RNF121: variants seen among roughly 807,000 people sequenced by gnomAD.
The protein encoded by RNF121 is ring finger protein 121.
A neutral mutation model predicts 46.5 loss-of-function variants in RNF121; 21 were observed. The ratio of observed to expected loss-of-function variants is 0.45; its 90% CI spans 0.32 to 0.65. RNF121 has a LOEUF of 0.65. Ranked by LOEUF, RNF121 falls within the 30% of genes least tolerant of loss-of-function variation. The pLI is 0.04. For missense variants in RNF121, 346 were observed against 416.0 expected (o/e 0.83, Z 1.46); for synonymous variants, 139 against 144.7 (o/e 0.96, Z 0.28).
chr11:71,960,110 A>G (rs1954094809), intron 2 of RNF121, among the ~76,000 whole-genome samples: 1 of 152,186 alleles, frequency 6.6e-6, no homozygotes, highest in South Asian at 2.1e-4. Context: ...TGTACTCTCT[A>G]GTTACTAAAC....
chr11:71,942,783 T>TAC (rs200563413), intron 1 of RNF121, among the ~76,000 whole-genome samples: 3 of 17,220 alleles, frequency 1.7e-4, no homozygotes, highest in Non-Finnish European at 4.8e-4. Flanking sequence ...TATATATATA[T>TAC]ATATATAGAT....
intron 3 of RNF121, among the ~76,000 whole-genome samples, chr11:71,976,874 G>C (rs1954536700): frequency 6.6e-6 from 1 of 152,164 alleles, no homozygotes; most frequent in East Asian, 1.9e-4. Context: ...CTCATGGAAT[G>C]TTAGGGCTAA....
At chr11:71,940,455 AG>A (rs1410913389) in intron 1 of RNF121, among the ~76,000 whole-genome samples, 1 of 152,210 alleles carries the variant, frequency 6.6e-6, no homozygotes, top group East Asian at 1.9e-4. Flanking sequence ...GAATTTCATT[AG>A]AGCATTAGGA....
intron 1 of RNF121, among the ~76,000 whole-genome samples, chr11:71,943,968 G>A (rs1363197692): frequency 6.6e-6 from 1 of 152,178 alleles, no homozygotes; most frequent in East Asian, 1.9e-4. Flanking sequence ...TGACACATAA[G>A]GCCTTATATG....
intron 1 of RNF121, among the ~76,000 whole-genome samples, chr11:71,955,222 TG>T (rs975318914): frequency 5.3e-5 from 8 of 152,326 alleles, no homozygotes; most frequent in African/African-American, 1.9e-4. Context: ...TGCCCTATCC[TG>T]GTGCTAGAGA....
intron 1 of RNF121, among the ~76,000 whole-genome samples, chr11:71,938,120 G>A (rs1953464785): frequency 6.6e-6 from 1 of 152,044 alleles, no homozygotes; most frequent in Non-Finnish European, 1.5e-5. Context: ...ATAACTCAAT[G>A]TATTCTGTTA....
Position 71,996,747 on chromosome 11 carries a change from G to T in RNF121, c.*432G>T. ...TCTTCCCTGTGTGGGGCTCAAGCCT[G>T]GTGCACTTAGTATAGAAGAGCTAAC... On this transcript the variant is annotated 3_prime_UTR_variant, in exon 9 of 9. Transcript: ENST00000361756. 5.4e-6 allele frequency: 1 copy of T among 184,720 alleles called. No individual in the cohort carries two copies. Among genetic ancestry groups the T allele is most frequent in the South Asian group, 9.2e-5 (1 of 10,812 alleles). 11.4% of individuals were successfully genotyped at this position (184,720 alleles called of 1,614,324 possible).
At chr11:71,989,514 A>T (rs1170757719) in intron 5 of RNF121, among the ~76,000 whole-genome samples, 1 of 152,248 alleles carries the variant, frequency 6.6e-6, no homozygotes, top group Non-Finnish European at 1.5e-5. Flanking sequence ...GTGGTGTAAG[A>T]TCAATGATTT....
chr11:71,997,011 G>A lies in RNF121; in HGVS notation c.*696G>A, dbSNP rs777849190. 2.0e-5 allele frequency: 3 copies of A among 152,304 alleles called. No homozygotes were observed. Among genetic ancestry groups the A allele is most frequent in the Non-Finnish European group, 4.4e-5 (3 of 68,094 alleles). The allele number at this position is 152,304 out of a possible 1,614,324, so 9.4% of individuals were successfully genotyped here. The stretch of plus-strand genomic sequence containing the variant: ...GGAAGAATCAGCACCATGGATACTC[G>A]CCCGTGGGCAGGGCTGTGGTCAGCC... On this transcript the variant is annotated 3_prime_UTR_variant, in exon 9 of 9. Coordinates refer to ENST00000361756, the MANE Select transcript of RNF121 (RefSeq NM_018320.5).
At chr11:71,959,363 A>G (rs1007425284) in intron 2 of RNF121, among the ~76,000 whole-genome samples, 1 of 152,108 alleles carries the variant, frequency 6.6e-6, no homozygotes, top group East Asian at 1.9e-4. Context: ...TGGGTTCTAC[A>G]CTTTTTGTTA....
At chr11:71,941,883 T>C (rs1053515003) in intron 1 of RNF121, among the ~76,000 whole-genome samples, 1 of 152,100 alleles carries the variant, frequency 6.6e-6, no homozygotes, top group Non-Finnish European at 1.5e-5. Context: ...TATAAGGCCT[T>C]GTAGCTGCTG....
intron 1 of RNF121, among the ~76,000 whole-genome samples, chr11:71,939,770 T>C (rs1464860596): frequency 6.6e-6 from 1 of 152,252 alleles, no homozygotes; most frequent in Non-Finnish European, 1.5e-5. Flanking sequence ...TTCATTATTT[T>C]CAAAAGTCAC....
chr11:71,988,798 G>A (rs1012479082), intron 5 of RNF121, among the ~76,000 whole-genome samples: 6 of 152,050 alleles, frequency 3.9e-5, no homozygotes, highest in Admixed American at 6.6e-5. Flanking sequence ...CTCCAGCTCA[G>A]GTGACAAAGG....
chr11:71,955,683 G>C (rs749272222), intron 1 of RNF121, among the ~76,000 whole-genome samples: 6 of 152,210 alleles, frequency 3.9e-5, no homozygotes, highest in Non-Finnish European at 7.4e-5. Context: ...ACAATTAATA[G>C]ATAGGCTTGG....
intron 3 of RNF121, among the ~76,000 whole-genome samples, chr11:71,967,092 C>T (rs1416304126): frequency 2.0e-5 from 3 of 148,206 alleles, no homozygotes; most frequent in African/African-American, 7.4e-5. Context: ...AGGATGGTCT[C>T]GATCTCCTGA....
intron 2 of RNF121, 100 bp from the exon 3 acceptor site, chr11:71,960,650 G>C (rs930463887): frequency 7.4e-7 from 1 of 1,359,398 alleles, no homozygotes; most frequent in African/African-American, 1.4e-5. Context: ...AGCAGGGAAT[G>C]TGTTCTGAGC....
At chr11:71,987,714 A>G (rs1485801079) in intron 5 of RNF121, among the ~76,000 whole-genome samples, 1 of 152,214 alleles carries the variant, frequency 6.6e-6, no homozygotes, top group Admixed American at 6.5e-5. Flanking sequence ...TTATAGGAAA[A>G]GTTTGCTGAC....
chr11:71,964,640 G>T (rs1954229078), intron 3 of RNF121, among the ~76,000 whole-genome samples: 1 of 152,076 alleles, frequency 6.6e-6, no homozygotes, highest in African/African-American at 2.4e-5. Flanking sequence ...ACAGCACCAG[G>T]CTAATTTTTT....
intron 4 of RNF121, among the ~76,000 whole-genome samples, chr11:71,984,038 T>C (rs1283987019): frequency 1.3e-5 from 2 of 152,232 alleles, no homozygotes; most frequent in Admixed American, 1.3e-4. Context: ...CAGATGAATG[T>C]GGATTGGGAC....
Sources: gnomAD v4.1 joint callset for allele counts (sites outside exome capture counted in the v4.1 genomes callset) on GRCh38, gnomAD v4.1.1 for gene constraint, MANE v1.5 for transcripts, NCBI Gene and HGNC (gene_info 2026-07-23, HGNC 2026-07-21) for gene names.